Variants in WDR70 observed in about 807,000 individuals in gnomAD.
WDR70 encodes WD repeat-containing protein 70.
Under a neutral mutation model 88.6 loss-of-function variants are expected in WDR70, and 53 were observed. The observed-to-expected ratio is 0.60, with a 90% CI of 0.48 to 0.75. WDR70 has a LOEUF of 0.75. Among genes scored for constraint, WDR70 ranks in the 30% least tolerant of loss-of-function variants. The pLI, the probability that WDR70 is intolerant of heterozygous loss-of-function variation, is 0.00. For synonymous variants in WDR70, 280 were observed against 270.0 expected (o/e 1.04, Z -0.36); for missense variants, 610 against 823.2 (o/e 0.74, Z 3.17).
chr5:37,616,053 A>G (rs954388718), intron 10 of WDR70, among the ~76,000 whole-genome samples: 1 of 152,186 alleles, frequency 6.6e-6, no homozygotes, highest in Admixed American at 6.5e-5. Context: ...TCTCAGACTG[A>G]CACTTCCAGT....
intron 5 of WDR70, among the ~76,000 whole-genome samples, chr5:37,398,932 A>G (rs1478506915): frequency 6.6e-6 from 1 of 152,054 alleles, no homozygotes; most frequent in Non-Finnish European, 1.5e-5. Flanking sequence ...ACTTGAGGTC[A>G]GGAGTTTGAG....
At chr5:37,701,364 C>T (rs1307858313) in intron 12 of WDR70, among the ~76,000 whole-genome samples, 2 of 152,010 alleles carry the variant, frequency 1.3e-5, no homozygotes, top group South Asian at 2.1e-4. Context: ...TTGATTTATT[C>T]ATGTGTTTGT....
chr5:37,700,918 C>T (rs1471139650), intron 11 of WDR70, 140 bp from the exon 12 acceptor site: 3 of 564,136 alleles, frequency 5.3e-6, no homozygotes, highest in African/African-American at 3.9e-5. Flanking sequence ...TTCTTCCTTT[C>T]TTTCTTCTCT....
At chr5:37,479,366 G>GT (rs55879112) in intron 7 of WDR70, 167 of 133,206 alleles carry the variant, frequency 1.3e-3, no homozygotes, top group Middle Eastern at 7.9e-3. Context: ...GGTGGTGGTT[G>GT]TTTTTTTTTT....
chr5:37,535,955 G>A (rs1248644304), intron 9 of WDR70, among the ~76,000 whole-genome samples: 7 of 152,168 alleles, frequency 4.6e-5, no homozygotes, highest in Non-Finnish European at 1.0e-4. Context: ...TACAGATATA[G>A]GCAGAAGATG....
At chr5:37,586,033 T>C (rs1434879065) in intron 9 of WDR70, among the ~76,000 whole-genome samples, 1 of 152,200 alleles carries the variant, frequency 6.6e-6, no homozygotes, top group Admixed American at 6.5e-5. Flanking sequence ...CTTTTGCTCT[T>C]GATTTTCCTT....
At chr5:37,725,085 G>T (rs543394425) in intron 16 of WDR70, 35 bp downstream of exon 16, 1 of 1,578,908 alleles carries the variant, frequency 6.3e-7, no homozygotes, top group East Asian at 2.2e-5. Context: ...TGCAGAGGGG[G>T]TTCAGAGGCA....
At chr5:37,705,432 T>C (rs1747294165) in intron 13 of WDR70, among the ~76,000 whole-genome samples, 1 of 152,142 alleles carries the variant, frequency 6.6e-6, no homozygotes, top group South Asian at 2.1e-4. Context: ...AATAGATGGA[T>C]GAAGAGAGAA....
At chr5:37,505,763 C>G (rs1740541546) in intron 8 of WDR70, 2 of 1,389,634 alleles carry the variant, frequency 1.4e-6, no homozygotes, top group Non-Finnish European at 2.0e-6. Flanking sequence ...TGGACCCTCT[C>G]AAGTTGGCTT....
chr5:37,701,896 A>G (rs1747175401), intron 12 of WDR70, among the ~76,000 whole-genome samples: 3 of 152,278 alleles, frequency 2.0e-5, no homozygotes, highest in East Asian at 3.9e-4. Context: ...ATTCAAATCA[A>G]TAATTCAGCA....
intron 5 of WDR70, among the ~76,000 whole-genome samples, chr5:37,404,770 G>T (rs1749302465): frequency 6.6e-6 from 1 of 151,666 alleles, no homozygotes; most frequent in African/African-American, 2.4e-5. Context: ...TTTTATTATT[G>T]AAACTTTATT....
At chr5:37,732,143 C>T (rs1037770811) in intron 17 of WDR70, among the ~76,000 whole-genome samples, 1 of 152,104 alleles carries the variant, frequency 6.6e-6, no homozygotes, top group Non-Finnish European at 1.5e-5. Flanking sequence ...TTTCACTTAA[C>T]CCCCAGTTCC....
At position 37,494,453 on chromosome 5, in the gene WDR70, CTG is replaced by C. The variant is rs890425391; in HGVS notation, c.840+14469_840+14470del. The stretch of plus-strand genomic sequence containing the variant: ...TAGGTATTTGGATGGACTACGGTGA[CTG>C]TGGGGGAGAACGGGGGAGGTTATTT... On this transcript the variant is annotated intron_variant, in intron 8 of 17. Transcript: ENST00000265107. Among the ~76,000 whole-genome samples the C allele has an allele frequency of 9.9e-5, 15 of 152,190 alleles. No individual in the cohort carries two copies. In the South Asian group the frequency reaches 2.9e-3, roughly 29 times the overall value.
At chr5:37,528,206 A>G (rs1335900140) in intron 9 of WDR70, among the ~76,000 whole-genome samples, 4 of 152,216 alleles carry the variant, frequency 2.6e-5, no homozygotes, top group African/African-American at 4.8e-5. Flanking sequence ...ACTATTCACA[A>G]TAGCAAAGAC....
chr5:37,465,734 A>C (rs1434421933), intron 7 of WDR70, among the ~76,000 whole-genome samples: 1 of 146,324 alleles, frequency 6.8e-6, no homozygotes, highest in African/African-American at 2.5e-5. Context: ...AATAAATGGG[A>C]CTCAACAGCC....
rs754899211 is a variant in WDR70, at chr5:37,605,048, T to C, written c.918-16T>C. 8.3e-6 allele frequency: 13 copies of C among 1,558,930 alleles called. No individual in the cohort carries two copies. The South Asian group carries it at 1.5e-4, about 18-fold the overall frequency. On this transcript the variant is annotated splice_polypyrimidine_tract_variant and intron_variant, in intron 9 of 17. Coordinates refer to ENST00000265107, the MANE Select transcript of WDR70 (RefSeq NM_018034.4). ...TTTTTTTTTAAATAAATGAAAAATCTCCTGATCATTTTTAGGACTGTGAGG... is the reference window on the plus strand; with the variant it reads ...TTTTTTTTTAAATAAATGAAAAATCCCCTGATCATTTTTAGGACTGTGAGG...
chr5:37,715,551 T>G (rs1305939692), intron 13 of WDR70, among the ~76,000 whole-genome samples: 1 of 152,160 alleles, frequency 6.6e-6, no homozygotes, highest in Non-Finnish European at 1.5e-5. Flanking sequence ...AGACTGGGGC[T>G]TACTCACCAT....
intron 9 of WDR70, among the ~76,000 whole-genome samples, chr5:37,561,696 A>G (rs1742508957): frequency 6.6e-6 from 1 of 152,232 alleles, no homozygotes; most frequent in African/African-American, 2.4e-5. Flanking sequence ...AATAGGTCTC[A>G]TTGTATTGGC....
chr5:37,579,646 A>G (rs2112422790), intron 9 of WDR70, among the ~76,000 whole-genome samples: 1 of 151,904 alleles, frequency 6.6e-6, no homozygotes, highest in African/African-American at 2.4e-5. Context: ...TTTAAAATAT[A>G]GATTTAATTA....
Sources: allele counts gnomAD v4.1 joint callset (sites outside exome capture counted in the v4.1 genomes callset), GRCh38; gene constraint gnomAD v4.1.1; transcripts MANE v1.5; gene names NCBI Gene and HGNC (gene_info 2026-07-23, HGNC 2026-07-21).